Variants in TPO observed in about 807,000 individuals in gnomAD.
The protein encoded by TPO is thyroid peroxidase, also known as thyroid microsomal antigen.
A neutral mutation model predicts 96.9 loss-of-function variants in TPO; 78 were observed. The observed-to-expected ratio is 0.81, with a 90% CI of 0.67 to 0.97. TPO has a LOEUF of 0.97. Among genes scored for constraint, TPO ranks in the 50% least tolerant of loss-of-function variants. The pLI, the probability that TPO is intolerant of heterozygous loss-of-function variation, is 0.00. For missense variants in TPO, 1,252 were observed against 1,274.8 expected (o/e 0.98, Z 0.27); for synonymous variants, 547 against 538.0 (o/e 1.02, Z -0.23).
intron 7 of TPO, among the ~76,000 whole-genome samples, chr2:1,472,777 C>A (rs1263893587): frequency 7.4e-6 from 1 of 134,546 alleles, no homozygotes; most frequent in African/African-American, 2.9e-5. Flanking sequence ...TCGCCATCCA[C>A]ACTGGCAACA....
chr2:1,488,857 G>GCAGCCACA, intron 10 of TPO, among the ~76,000 whole-genome samples: 2 of 152,314 alleles, frequency 1.3e-5, no homozygotes, highest in South Asian at 4.1e-4. Flanking sequence ...GCTGGGATCA[G>GCAGCCACA]CAGCCACACA....
At chr2:1,399,953 A>G (rs12328301) in intron 1 of TPO, among the ~76,000 whole-genome samples, 98 of 152,192 alleles carry the variant, frequency 6.4e-4, no homozygotes, top group African/African-American at 2.3e-3. Context: ...ACTTAATGGG[A>G]GCTGCCACCC....
At chr2:1,426,737 A>C (rs9326169) in intron 3 of TPO, among the ~76,000 whole-genome samples, 1 of 152,146 alleles carries the variant, frequency 6.6e-6, no homozygotes, top group African/African-American at 2.4e-5. Context: ...GATCATCAGG[A>C]AACATGATGG....
intron 7 of TPO, among the ~76,000 whole-genome samples, chr2:1,471,843 C>T (rs899625947): frequency 1.3e-5 from 2 of 152,180 alleles, no homozygotes; most frequent in African/African-American, 4.8e-5. Context: ...TTGCTATGAT[C>T]TCAGCACTCA....
At chr2:1,375,033 A>G (rs890696036) in intron 1 of TPO, among the ~76,000 whole-genome samples, 2 of 152,036 alleles carry the variant, frequency 1.3e-5, no homozygotes, top group Non-Finnish European at 2.9e-5. Context: ...CCGACCATAG[A>G]TATACCTTTT....
intron 7 of TPO, among the ~76,000 whole-genome samples, chr2:1,469,796 G>T (rs1044926592): frequency 2.0e-5 from 3 of 152,170 alleles, no homozygotes; most frequent in Admixed American, 2.0e-4. Context: ...CTCAGTTTGG[G>T]CACTCACAGT....
chr2:1,408,084 G>A (rs1014535665), intron 1 of TPO, among the ~76,000 whole-genome samples: 6 of 152,314 alleles, frequency 3.9e-5, no homozygotes, highest in African/African-American at 1.4e-4. Context: ...CACTACTTGG[G>A]CCTTCTGACG....
At chr2:1,388,146 A>G (rs1221617444) in intron 1 of TPO, among the ~76,000 whole-genome samples, 1 of 152,210 alleles carries the variant, frequency 6.6e-6, no homozygotes, top group Non-Finnish European at 1.5e-5. Context: ...CAGTTAGGCT[A>G]CTTGGGGGTT....
chr2:1,465,627 T>A (rs1011962027), intron 7 of TPO, among the ~76,000 whole-genome samples: 1 of 152,162 alleles, frequency 6.6e-6, no homozygotes, highest in African/African-American at 2.4e-5. Context: ...CTTGGTTAGG[T>A]ATATTTCTAA....
At chr2:1,381,117 C>A (rs752182746) in intron 1 of TPO, among the ~76,000 whole-genome samples, 1 of 152,100 alleles carries the variant, frequency 6.6e-6, no homozygotes, top group Non-Finnish European at 1.5e-5. Flanking sequence ...GCAAAGACTT[C>A]GTGACTAAAA....
At chr2:1,501,817 C>T (rs897807702) in intron 13 of TPO, among the ~76,000 whole-genome samples, 1 of 152,116 alleles carries the variant, frequency 6.6e-6, no homozygotes, top group African/African-American at 2.4e-5. Context: ...TGAAGGAGCA[C>T]CACCCGGCCG....
rs1333002483 is a variant in TPO, at chr2:1,543,632, TA to T, written c.*1162del. ...TCCCAAACTCTTAGTTTTGTTCATGTAAAACTCATGATTTCATAATTAAAAC... is the reference window on the plus strand; with the variant it reads ...TCCCAAACTCTTAGTTTTGTTCATGTAAACTCATGATTTCATAATTAAAAC... On this transcript the variant is annotated 3_prime_UTR_variant, in exon 17 of 17. Transcript: ENST00000329066. 3 of 152,196 alleles carry T rather than the reference TA, an allele frequency of 2.0e-5. No homozygotes were observed. The highest frequency in any genetic ancestry group is 4.4e-5 in the Non-Finnish European group (3 of 68,014). 9.4% of individuals were successfully genotyped at this position (152,196 alleles called of 1,614,324 possible).
chr2:1,513,253 A>G (rs1007609840), intron 14 of TPO, among the ~76,000 whole-genome samples: 3 of 152,250 alleles, frequency 2.0e-5, no homozygotes, highest in Non-Finnish European at 4.4e-5. Context: ...ACAGCAGCAG[A>G]GGCCTCGGCT....
intron 10 of TPO, among the ~76,000 whole-genome samples, chr2:1,493,081 CAGG>C (rs760872514): frequency 6.6e-6 from 1 of 151,888 alleles, no homozygotes; most frequent in Non-Finnish European, 1.5e-5. Flanking sequence ...GGTCAGTGAG[CAGG>C]AGGAGGAGTG....
intron 1 of TPO, among the ~76,000 whole-genome samples, chr2:1,389,618 T>C (rs561640708): frequency 2.0e-5 from 3 of 152,314 alleles, no homozygotes; most frequent in African/African-American, 7.2e-5. Flanking sequence ...ATTTGCTCAG[T>C]AGGGCTTCCT....
At chr2:1,445,265 A>G (rs57890156) in intron 5 of TPO, among the ~76,000 whole-genome samples, 1,518 of 51,596 alleles carry the variant, frequency 0.029, no homozygotes, top group Non-Finnish European at 0.034. Flanking sequence ...GTATGATCCA[A>G]TCACTGCTGC....
intron 15 of TPO, among the ~76,000 whole-genome samples, chr2:1,528,191 C>A (rs1401571872): frequency 5.9e-5 from 8 of 136,612 alleles, no homozygotes; most frequent in Non-Finnish European, 1.1e-4. Flanking sequence ...CCCACATCCC[C>A]CCACTGTGTG....
intron 1 of TPO, among the ~76,000 whole-genome samples, chr2:1,395,448 A>G (rs1662065328): frequency 6.6e-6 from 1 of 152,250 alleles, no homozygotes; most frequent in Admixed American, 6.5e-5. Flanking sequence ...AGCAAGGCCC[A>G]AGTTTCTTTT....
chr2:1,524,497 CT>C (rs1447509546), intron 15 of TPO, among the ~76,000 whole-genome samples: 3 of 126,878 alleles, frequency 2.4e-5, no homozygotes, highest in Admixed American at 8.0e-5. Flanking sequence ...TCCTCAAATC[CT>C]CCCACTGTGT....
Sources: allele counts gnomAD v4.1 joint callset (sites outside exome capture counted in the v4.1 genomes callset), GRCh38; gene constraint gnomAD v4.1.1; transcripts MANE v1.5; gene names NCBI Gene and HGNC (gene_info 2026-07-23, HGNC 2026-07-21).